MAN2A1: variants seen among roughly 807,000 people sequenced by gnomAD.
MAN2A1 encodes mannosidase alpha class 2A member 1, also known as alpha-mannosidase 2.
A neutral mutation model predicts 142.6 loss-of-function variants in MAN2A1; 76 were observed. That is an observed-to-expected ratio of 0.53 (90% confidence interval 0.44 to 0.65). The LOEUF (loss-of-function observed/expected upper bound fraction) is 0.65, where lower values mean the gene tolerates loss of function less well. Among genes scored for constraint, MAN2A1 ranks in the 30% least tolerant of loss-of-function variants. MAN2A1 has a pLI of 0.00. For missense variants in MAN2A1, 1,311 were observed against 1,365.1 expected, an observed-to-expected ratio of 0.96 and a Z score of 0.62; for synonymous variants, 559 against 473.2, an observed-to-expected ratio of 1.18 and a Z score of -2.35.
At chr5:109,737,360 T>A (rs1321684036) in intron 4 of MAN2A1, among the ~76,000 whole-genome samples, 1 of 152,090 alleles carries the variant, frequency 6.6e-6, no homozygotes, top group Non-Finnish European at 1.5e-5. Context: ...CTTGAACACC[T>A]GCCTCAGCCT....
chr5:109,806,496 A>G (rs1050275803), intron 12 of MAN2A1, among the ~76,000 whole-genome samples: 12 of 152,176 alleles, frequency 7.9e-5, no homozygotes, highest in African/African-American at 2.7e-4. Flanking sequence ...TATAGCAAAA[A>G]TATTCCTTTA....
intron 8 of MAN2A1, among the ~76,000 whole-genome samples, chr5:109,778,618 A>C (rs934036789): frequency 6.6e-6 from 1 of 152,056 alleles, no homozygotes; most frequent in Non-Finnish European, 1.5e-5. Context: ...TGTCTTGTGC[A>C]ATGATTGAAC....
intron 12 of MAN2A1, among the ~76,000 whole-genome samples, chr5:109,802,479 T>C (rs1027654814): frequency 6.6e-6 from 1 of 152,154 alleles, no homozygotes; most frequent in Non-Finnish European, 1.5e-5. Flanking sequence ...CTGTAGAGTA[T>C]TGGTTTGGGC....
At chr5:109,837,716 G>A (rs181390470) in intron 16 of MAN2A1, among the ~76,000 whole-genome samples, 18 of 152,218 alleles carry the variant, frequency 1.2e-4, no homozygotes, top group Admixed American at 5.2e-4. Context: ...CTCAGTATAC[G>A]TTTATTGTAC....
chr5:109,754,835 C>G (rs946363367), intron 4 of MAN2A1, among the ~76,000 whole-genome samples: 3 of 152,176 alleles, frequency 2.0e-5, no homozygotes, highest in Non-Finnish European at 2.9e-5. Context: ...AACCACGTCT[C>G]TACCAAAAAT....
chr5:109,696,597 C>G (rs1221959468), intron 1 of MAN2A1, among the ~76,000 whole-genome samples: 2 of 152,210 alleles, frequency 1.3e-5, no homozygotes, highest in Non-Finnish European at 2.9e-5. Context: ...TGTAGGGTGT[C>G]TAGCAGCATC....
intron 1 of MAN2A1, among the ~76,000 whole-genome samples, chr5:109,708,812 A>G (rs1751213807): frequency 6.6e-6 from 1 of 152,228 alleles, no homozygotes; most frequent in East Asian, 1.9e-4. Context: ...GGAGAGGAAA[A>G]GCGGCCAGGC....
intron 12 of MAN2A1, among the ~76,000 whole-genome samples, chr5:109,798,730 G>A (rs1753932004): frequency 6.6e-6 from 1 of 152,092 alleles, no homozygotes; most frequent in South Asian, 2.1e-4. Flanking sequence ...CGCCCAGGCT[G>A]GAGTGCAGTG....
chr5:109,791,638 A>G (rs944237837), intron 12 of MAN2A1, among the ~76,000 whole-genome samples: 1 of 151,710 alleles, frequency 6.6e-6, no homozygotes, highest in African/African-American at 2.4e-5. Context: ...TGGGGGAGAT[A>G]TTTTTTCCAA....
At chr5:109,826,803 A>G (rs554746420) in intron 16 of MAN2A1, among the ~76,000 whole-genome samples, 113 of 152,338 alleles carry the variant, frequency 7.4e-4, no homozygotes, top group African/African-American at 2.6e-3. Context: ...TTTAGTGCCA[A>G]GTCTTCCTTA....
chr5:109,722,803 C>T (rs1196063577), intron 3 of MAN2A1, among the ~76,000 whole-genome samples: 1 of 152,130 alleles, frequency 6.6e-6, no homozygotes, highest in Non-Finnish European at 1.5e-5. Flanking sequence ...CCCTCGTGTA[C>T]CCTAAGAGTA....
At position 109,820,315 on chromosome 5, in the gene MAN2A1, C is replaced by T. The variant is rs765846886; in HGVS notation, c.2424C>T (p.Tyr808=). ...TTAAAAGAGACAAAAGTGGTGCCTA[C>T]CTCTTCTTACCTGATGGTAATGCCA... ...TTIKRDKSGA[Y]LFLPDGNAKP... is the part of the protein sequence containing the mutation. The change falls in exon 15 of 22, where the codon TAC becomes TAT. Residue 808 remains tyrosine, a synonymous_variant. Transcript: ENST00000261483. 1.2e-5 allele frequency: 19 copies of T among 1,613,010 alleles called. No homozygotes were observed. The highest frequency in any genetic ancestry group is 1.6e-5 in the Non-Finnish European group (19 of 1,179,502).
intron 12 of MAN2A1, among the ~76,000 whole-genome samples, chr5:109,816,004 A>G (rs1356910083): frequency 6.6e-6 from 1 of 152,232 alleles, no homozygotes; most frequent in Non-Finnish European, 1.5e-5. Context: ...AATTGATTAT[A>G]AATTATAAAA....
intron 4 of MAN2A1, among the ~76,000 whole-genome samples, chr5:109,741,199 G>A (rs1377774158): frequency 6.6e-6 from 1 of 152,040 alleles, no homozygotes; most frequent in Non-Finnish European, 1.5e-5. Flanking sequence ...AAGGAAAAAT[G>A]GTTTTATAGC....
At chr5:109,754,923 C>T (rs1752646848) in intron 4 of MAN2A1, among the ~76,000 whole-genome samples, 2 of 143,908 alleles carry the variant, frequency 1.4e-5, no homozygotes, top group South Asian at 4.7e-4. Flanking sequence ...ATCGCTTGAA[C>T]CTGGGAGGCG....
intron 19 of MAN2A1, among the ~76,000 whole-genome samples, chr5:109,848,598 C>T (rs370505851): frequency 7.9e-5 from 12 of 152,202 alleles, no homozygotes; most frequent in Non-Finnish European, 1.5e-4. Context: ...ATTTAAAAGA[C>T]ACTTTACAGT....
At chr5:109,786,812 T>G (rs1282784752) in intron 10 of MAN2A1, among the ~76,000 whole-genome samples, 2 of 151,986 alleles carry the variant, frequency 1.3e-5, no homozygotes, top group Non-Finnish European at 2.9e-5. Context: ...AGGGGTGCAT[T>G]TGGCTGCGAG....
intron 13 of MAN2A1, among the ~76,000 whole-genome samples, chr5:109,818,417 T>C (rs1450270449): frequency 6.6e-6 from 1 of 152,090 alleles, no homozygotes; most frequent in Non-Finnish European, 1.5e-5. Flanking sequence ...ATCTTTTAGA[T>C]AGAAAGGTAA....
intron 1 of MAN2A1, among the ~76,000 whole-genome samples, chr5:109,694,279 A>G (rs1028194811): frequency 1.3e-5 from 2 of 152,198 alleles, no homozygotes; most frequent in African/African-American, 2.4e-5. Context: ...CAAGTGAGAA[A>G]GTGAGAATGC....
Sources: allele counts gnomAD v4.1 joint callset (sites outside exome capture counted in the v4.1 genomes callset), GRCh38; gene constraint gnomAD v4.1.1; transcripts MANE v1.5; gene names NCBI Gene and HGNC (gene_info 2026-07-23, HGNC 2026-07-21).